Variants in UBE3D observed in about 807,000 individuals in gnomAD.
The protein encoded by UBE3D is E3 ubiquitin-protein ligase E3D.
UBE3D carries 48 observed loss-of-function variants against 49.6 expected under a neutral mutation model. The observed-to-expected ratio is 0.97, with a 90% CI of 0.77 to 1.23. UBE3D has a LOEUF of 1.23. Ranked by LOEUF, UBE3D falls within the 50% of genes most tolerant of loss-of-function variation. The pLI, the probability that UBE3D is intolerant of heterozygous loss-of-function variation, is 0.00. For synonymous variants in UBE3D, 189 were observed against 174.2 expected (o/e 1.08, Z -0.67); for missense variants, 452 against 468.4 (o/e 0.96, Z 0.32).
At chr6:82,935,175 T>C (rs1246812308) in intron 9 of UBE3D, among the ~76,000 whole-genome samples, 4 of 150,980 alleles carry the variant, frequency 2.6e-5, no homozygotes, top group South Asian at 2.1e-4. Flanking sequence ...CTTACAATCA[T>C]AGCAGAAGGT....
At chr6:83,015,697 G>A (rs1780652426) in intron 8 of UBE3D, among the ~76,000 whole-genome samples, 1 of 152,154 alleles carries the variant, frequency 6.6e-6, no homozygotes, top group South Asian at 2.1e-4. Flanking sequence ...CTAGTTATAG[G>A]TCTAGAAGCA....
At chr6:82,907,461 G>C (rs892900824) in intron 9 of UBE3D, among the ~76,000 whole-genome samples, 1 of 152,140 alleles carries the variant, frequency 6.6e-6, no homozygotes, top group African/African-American at 2.4e-5. Context: ...AGGTTTCTCA[G>C]TCCCTGAGTT....
At chr6:82,994,404 T>C (rs1392277771) in intron 8 of UBE3D, among the ~76,000 whole-genome samples, 1 of 152,182 alleles carries the variant, frequency 6.6e-6, no homozygotes, top group Non-Finnish European at 1.5e-5. Context: ...CAGTATTCCA[T>C]TCTGATTGGA....
the UBE3D span, among the ~76,000 whole-genome samples, chr6:82,885,870 T>C: frequency 0.52 from 78,634 of 152,014 alleles, 24,466 homozygotes; most frequent in African/African-American, 0.87. Context: ...CAGAGTGTCT[T>C]ATTCTTCCCA....
chr6:82,915,422 C>T (rs1220195907), intron 9 of UBE3D, among the ~76,000 whole-genome samples: 1 of 152,132 alleles, frequency 6.6e-6, no homozygotes, highest in East Asian at 1.9e-4. Context: ...GTACAAAATT[C>T]GAGTATAAAT....
chr6:83,024,385 T>C (rs914174981), intron 5 of UBE3D, among the ~76,000 whole-genome samples: 13 of 152,182 alleles, frequency 8.5e-5, no homozygotes, highest in Non-Finnish European at 1.5e-5. Flanking sequence ...AACCTGTAAG[T>C]CAATGAAAAA....
chr6:82,887,389 G>GTTTTTGTTTTGTTTTTTTTTT, the UBE3D span, among the ~76,000 whole-genome samples: 12 of 98,324 alleles, frequency 1.2e-4, 1 homozygote, highest in African/African-American at 5.6e-4. Flanking sequence ...GACAGTAACA[G>GTTTTTGTTTTGTTTTTTTTTT]TTTTTTTTTT....
intron 8 of UBE3D, among the ~76,000 whole-genome samples, chr6:82,975,642 A>G (rs1222818671): frequency 1.3e-5 from 2 of 152,176 alleles, no homozygotes; most frequent in African/African-American, 4.8e-5. Flanking sequence ...ATGGATTAAC[A>G]TTACTTTTAT....
rs1387219967 is a variant in UBE3D, at chr6:82,957,391, G to C, written c.1070C>G (p.Thr357Ser). 6.2e-7 allele frequency: 1 copy of C among 1,614,110 alleles called. No homozygotes were observed. The highest frequency in any genetic ancestry group is 8.5e-7 in the Non-Finnish European group (1 of 1,180,016). Residue 357 changes from threonine (T) to serine (S), a missense_variant, in exon 9 of 10, where the codon ACC becomes AGC. Physicochemically the swap from Thr to Ser is moderately conservative, Grantham distance 58. Transcript: ENST00000369747. ...CAATATCAACAGCAGCTCCAAGCAG[G>C]TTGCAGAGGGCAGGGTTAGCGGGTG... ...SVHPLTLPSATCLELLLILSK... is the reference protein window; with the variant it reads ...SVHPLTLPSASCLELLLILSK...
At chr6:82,914,102 T>C (rs1400274506) in intron 9 of UBE3D, among the ~76,000 whole-genome samples, 1 of 152,226 alleles carries the variant, frequency 6.6e-6, no homozygotes, top group East Asian at 1.9e-4. Context: ...AACCAGAACC[T>C]AGATTTCTTT....
intron 9 of UBE3D, 47 bp from the exon 10 acceptor site, chr6:82,893,089 C>A (rs752462623): frequency 2.3e-5 from 37 of 1,608,740 alleles, no homozygotes; most frequent in Admixed American, 8.3e-5. Context: ...TATAATATGA[C>A]AAAATGGCTG....
chr6:82,894,332 C>A (rs1228849580), intron 9 of UBE3D, among the ~76,000 whole-genome samples: 2 of 152,104 alleles, frequency 1.3e-5, no homozygotes, highest in African/African-American at 4.8e-5. Flanking sequence ...ACATTGCTAT[C>A]ATATCTTGCT....
intron 4 of UBE3D, among the ~76,000 whole-genome samples, chr6:83,041,787 C>G (rs1782687651): frequency 6.6e-6 from 1 of 152,158 alleles, no homozygotes; most frequent in Non-Finnish European, 1.5e-5. Flanking sequence ...AGATGTTAGT[C>G]ATCCTTGCTA....
chr6:82,938,243 A>G (rs1028980401), intron 9 of UBE3D: 2 of 152,210 alleles, frequency 1.3e-5, no homozygotes, highest in African/African-American at 4.8e-5. Flanking sequence ...ATAGATAACG[A>G]AACTGGGATC....
chr6:82,962,471 A>G (rs1001505317), intron 8 of UBE3D, among the ~76,000 whole-genome samples: 1 of 152,202 alleles, frequency 6.6e-6, no homozygotes, highest in Non-Finnish European at 1.5e-5. Context: ...AATGTATCAA[A>G]CTATCAAAAT....
chr6:83,051,765 C>T (rs896348731), intron 3 of UBE3D, among the ~76,000 whole-genome samples: 2 of 152,114 alleles, frequency 1.3e-5, no homozygotes, highest in Non-Finnish European at 2.9e-5. Flanking sequence ...GATGAGGTTC[C>T]CTCCTCTGCA....
At chr6:83,064,961 AG>A (rs1204300689) in intron 1 of UBE3D, among the ~76,000 whole-genome samples, 1 of 152,246 alleles carries the variant, frequency 6.6e-6, no homozygotes, top group Non-Finnish European at 1.5e-5. Context: ...ACAAAGGAAT[AG>A]ACAAGGGGAC....
intron 9 of UBE3D, among the ~76,000 whole-genome samples, chr6:82,939,954 C>T (rs1400675326): frequency 2.0e-5 from 3 of 152,188 alleles, no homozygotes; most frequent in East Asian, 1.9e-4. Flanking sequence ...ACCTCCCCTA[C>T]GAAGTGCTAC....
At chr6:82,928,392 A>G (rs1337023386) in intron 9 of UBE3D, among the ~76,000 whole-genome samples, 1 of 152,134 alleles carries the variant, frequency 6.6e-6, no homozygotes, top group Non-Finnish European at 1.5e-5. Context: ...AATAGGCAAT[A>G]ATATGATTAA....
Sources: gnomAD v4.1 joint callset for allele counts (sites outside exome capture counted in the v4.1 genomes callset) on GRCh38, gnomAD v4.1.1 for gene constraint, MANE v1.5 for transcripts, NCBI Gene and HGNC (gene_info 2026-07-23, HGNC 2026-07-21) for gene names.